Variants in UCHL3 observed in about 807,000 individuals in gnomAD.
The protein encoded by UCHL3 is ubiquitin C-terminal hydrolase L3, also known as ubiquitin carboxyl-terminal hydrolase isozyme L3.
Under a neutral mutation model 35.8 loss-of-function variants are expected in UCHL3, and 22 were observed. The ratio of observed to expected loss-of-function variants is 0.61; its 90% confidence interval spans 0.44 to 0.88. The LOEUF (loss-of-function observed/expected upper bound fraction) is 0.88, where lower values mean the gene tolerates loss of function less well. Among genes scored for constraint, UCHL3 ranks in the 40% least tolerant of loss-of-function variants. UCHL3 has a pLI of 0.00. For missense variants in UCHL3, 229 were observed against 276.9 expected (o/e 0.83, Z 1.23); for synonymous variants, 90 against 92.8 (o/e 0.97, Z 0.17).
At chr13:75,559,044 T>TTTTC (rs2037786901) in intron 2 of UCHL3, among the ~76,000 whole-genome samples, 1 of 124,444 alleles carries the variant, frequency 8.0e-6, no homozygotes, top group African/African-American at 3.2e-5. Context: ...TTTTTTTTTT[T>TTTTC]TTTTTTTTTT....
chr13:75,565,591 T>C (rs539647352), intron 3 of UCHL3, among the ~76,000 whole-genome samples: 2 of 152,318 alleles, frequency 1.3e-5, no homozygotes, highest in African/African-American at 4.8e-5. Flanking sequence ...TGCAGGCCTT[T>C]AAGTGTCTGT....
At chr13:75,589,919 C>A in intron 6 of UCHL3, 1 of 1,290,668 alleles carries the variant, frequency 7.7e-7, no homozygotes, top group African/African-American at 1.5e-5. Flanking sequence ...GTAAAATATT[C>A]TCTTTTTTAA....
At chr13:75,589,205 T>C (rs771352972) in intron 6 of UCHL3, among the ~76,000 whole-genome samples, 13 of 152,204 alleles carry the variant, frequency 8.5e-5, no homozygotes, top group Non-Finnish European at 1.8e-4. Flanking sequence ...TTGGTTATGT[T>C]ACTTAACCCA....
rs115823176 is a variant in UCHL3, at chr13:75,601,252, T to A, written c.551-3517T>A. The stretch of plus-strand genomic sequence containing the variant: ...AAGGATTTAGAAGATTACATAAATG[T>A]AGTTGATAAAGCAGCAGCAGAATTT... On this transcript the variant is annotated intron_variant, in intron 7 of 8. Coordinates refer to ENST00000377595, the MANE Select transcript of UCHL3 (RefSeq NM_006002.5). Among the ~76,000 whole-genome samples the A allele has an allele frequency of 6.7e-3, 1,019 of 152,314 alleles. 9 individuals carry two copies. Among genetic ancestry groups the A allele is most frequent in the African/African-American group, 0.022 (926 of 41,570 alleles).
chr13:75,567,858 A>G (rs993723063), intron 5 of UCHL3, among the ~76,000 whole-genome samples: 2 of 152,124 alleles, frequency 1.3e-5, no homozygotes, highest in Non-Finnish European at 1.5e-5. Context: ...CTGATTTACA[A>G]ATTAATAAAA....
At chr13:75,574,946 T>G (rs2031976133) in intron 6 of UCHL3, among the ~76,000 whole-genome samples, 1 of 152,134 alleles carries the variant, frequency 6.6e-6, no homozygotes, top group South Asian at 2.1e-4. Context: ...AGAGGGAGAA[T>G]AGTGGTAGAC....
At chr13:75,583,229 A>G (rs1022132550) in intron 6 of UCHL3, among the ~76,000 whole-genome samples, 1 of 152,204 alleles carries the variant, frequency 6.6e-6, no homozygotes, top group Non-Finnish European at 1.5e-5. Context: ...AAAATAAACA[A>G]TTACAATATA....
chr13:75,592,434 A>G (rs1329372070), intron 6 of UCHL3, among the ~76,000 whole-genome samples: 1 of 102,660 alleles, frequency 9.7e-6, no homozygotes, highest in African/African-American at 3.8e-5. Context: ...ATATATATAT[A>G]TATATATATA....
At chr13:75,580,665 G>T (rs569600280) in intron 6 of UCHL3, among the ~76,000 whole-genome samples, 6 of 152,110 alleles carry the variant, frequency 3.9e-5, no homozygotes, top group African/African-American at 9.6e-5. Context: ...TATAATGATG[G>T]TTACCATTTT....
intron 6 of UCHL3, among the ~76,000 whole-genome samples, chr13:75,574,666 C>T (rs1326321123): frequency 6.6e-6 from 1 of 152,116 alleles, no homozygotes; most frequent in Non-Finnish European, 1.5e-5. Flanking sequence ...AATGGGCATT[C>T]AATAAATATT....
chr13:75,599,906 G>T (rs918623191), intron 7 of UCHL3, among the ~76,000 whole-genome samples: 7 of 152,208 alleles, frequency 4.6e-5, no homozygotes, highest in Admixed American at 1.3e-4. Flanking sequence ...TAGGCCTCTT[G>T]TGCAAAACAA....
chr13:75,570,168 C>T (rs2031808854), intron 6 of UCHL3, among the ~76,000 whole-genome samples: 1 of 152,130 alleles, frequency 6.6e-6, no homozygotes, highest in Admixed American at 6.5e-5. Context: ...GTTTATATCA[C>T]ATTTAAGGGT....
chr13:75,586,663 A>T (rs2032330930), intron 6 of UCHL3, among the ~76,000 whole-genome samples: 1 of 152,018 alleles, frequency 6.6e-6, no homozygotes. Context: ...AATTTAATTT[A>T]TACAAAGAAT....
chr13:75,576,157 A>C (rs904592768), intron 6 of UCHL3, among the ~76,000 whole-genome samples: 3 of 152,212 alleles, frequency 2.0e-5, no homozygotes, highest in African/African-American at 7.2e-5. Context: ...TTGGGATAGG[A>C]AACAGATTGT....
At position 75,576,414 on chromosome 13, in the gene UCHL3, A is replaced by G. The variant is rs111478700; in HGVS notation, c.474+6907A>G. Among the ~76,000 whole-genome samples, 161 of 151,962 alleles carry G rather than the reference A, an allele frequency of 1.1e-3. 2 individuals carry two copies. The highest frequency in any genetic ancestry group is 3.6e-3 in the African/African-American group (151 of 41,468). On this transcript the variant is annotated intron_variant, in intron 6 of 8. Transcript: ENST00000377595. ...CCGGCTAATTTTTTGTATTTTTAGT[A>G]GAGACAGGGTTTCACAGTGTTAGCC...
rs1227401221 is a variant in UCHL3, at chr13:75,569,330, T to C, written c.427-130T>C. 3 of 630,362 alleles carry C rather than the reference T, an allele frequency of 4.8e-6. No homozygotes were observed. The East Asian group carries it at 8.4e-5, about 18-fold the overall frequency. The allele number at this position is 630,362 out of a possible 1,614,324, so 39.0% of individuals were successfully genotyped here. ...CATTCTTAAATATCTAGTACTAAGCTTTTCTTAAATTTCCTTCAATTTGTT... is the reference window on the plus strand; with the variant it reads ...CATTCTTAAATATCTAGTACTAAGCCTTTCTTAAATTTCCTTCAATTTGTT... On this transcript the variant is annotated intron_variant, in intron 5 of 8. Transcript: ENST00000377595.
At chr13:75,599,593 A>G (rs983783728) in intron 7 of UCHL3, among the ~76,000 whole-genome samples, 1 of 152,116 alleles carries the variant, frequency 6.6e-6, no homozygotes, top group Non-Finnish European at 1.5e-5. Context: ...GTGATCAGTG[A>G]TCTTTGATAT....
chr13:75,559,030 C>CT (rs34100020), intron 2 of UCHL3, among the ~76,000 whole-genome samples: 1,943 of 64,280 alleles, frequency 0.03, 399 homozygotes, highest in African/African-American at 0.1. Flanking sequence ...GCCCCGGACT[C>CT]TTTTTTTTTT....
chr13:75,552,697 CTACTT>C (rs966180994), intron 2 of UCHL3, among the ~76,000 whole-genome samples: 35 of 152,270 alleles, frequency 2.3e-4, no homozygotes, highest in African/African-American at 8.2e-4. Context: ...ATTTTAAACT[CTACTT>C]TATTTACCTA....
Sources: gnomAD v4.1 joint callset for allele counts (sites outside exome capture counted in the v4.1 genomes callset) on GRCh38, gnomAD v4.1.1 for gene constraint, MANE v1.5 for transcripts, NCBI Gene and HGNC (gene_info 2026-07-23, HGNC 2026-07-21) for gene names.